Variants in AKAP19 observed in about 807,000 individuals in gnomAD.
AKAP19 encodes the protein A-kinase anchoring protein 19, also known as small A-kinase anchoring protein.
the AKAP19 span, among the ~76,000 whole-genome samples, chr2:190,052,928 TG>T: frequency 2.0e-5 from 3 of 152,222 alleles, no homozygotes; most frequent in Non-Finnish European, 4.4e-5. Context: ...AATAATATTT[TG>T]CCTATAGTGC....
chr2:190,037,077 C>T, the AKAP19 span, among the ~76,000 whole-genome samples: 2 of 152,190 alleles, frequency 1.3e-5, no homozygotes, highest in Non-Finnish European at 1.5e-5. Flanking sequence ...ATGCCATTCA[C>T]GATTCCTAGA....
the AKAP19 span, among the ~76,000 whole-genome samples, chr2:190,039,452 A>G: frequency 6.6e-6 from 1 of 152,218 alleles, no homozygotes; most frequent in African/African-American, 2.4e-5. Context: ...GGAAAACTGT[A>G]AATTTCTGAA....
chr2:189,988,999 A>G, the AKAP19 span, among the ~76,000 whole-genome samples: 12 of 152,362 alleles, frequency 7.9e-5, no homozygotes, highest in Non-Finnish European at 1.5e-4. Flanking sequence ...CAATGCAATG[A>G]GATGGGCTAG....
chr2:190,110,091 T>C, the AKAP19 span, among the ~76,000 whole-genome samples: 1 of 152,144 alleles, frequency 6.6e-6, no homozygotes, highest in Non-Finnish European at 1.5e-5. Context: ...GAACCACATA[T>C]TGAAAACACT....
the AKAP19 span, among the ~76,000 whole-genome samples, chr2:190,125,391 G>C: frequency 2.0e-5 from 3 of 152,234 alleles, no homozygotes; most frequent in East Asian, 5.8e-4. Context: ...TGATACAGAT[G>C]CCCTGTATGT....
chr2:189,918,115 G>T, the AKAP19 span, among the ~76,000 whole-genome samples: 8 of 151,114 alleles, frequency 5.3e-5, no homozygotes, highest in Admixed American at 1.3e-4. Flanking sequence ...ATTTATAATT[G>T]TCTTAAGTAC....
chr2:190,114,494 T>C, the AKAP19 span, among the ~76,000 whole-genome samples: 2 of 152,206 alleles, frequency 1.3e-5, no homozygotes, highest in African/African-American at 4.8e-5. Context: ...CTCGCTCTGT[T>C]GCCCAGGCGG....
the AKAP19 span, among the ~76,000 whole-genome samples, chr2:190,013,520 T>G: frequency 6.6e-6 from 1 of 152,144 alleles, no homozygotes; most frequent in Admixed American, 6.5e-5. Flanking sequence ...TATTTATTTA[T>G]TTATTTATTT....
At chr2:189,897,704 T>G in the AKAP19 span, among the ~76,000 whole-genome samples, 1,809 of 152,320 alleles carry the variant, frequency 0.012, 27 homozygotes, top group Non-Finnish European at 0.02. Context: ...AATATCTACT[T>G]AGGTTGGTTA....
the AKAP19 span, among the ~76,000 whole-genome samples, chr2:189,992,085 T>C: frequency 2.0e-5 from 3 of 150,982 alleles, no homozygotes; most frequent in East Asian, 3.9e-4. Flanking sequence ...AGTCCCACTT[T>C]GTTGCACAGG....
chr2:189,916,085 G>C, the AKAP19 span, among the ~76,000 whole-genome samples: 3 of 151,836 alleles, frequency 2.0e-5, no homozygotes, highest in African/African-American at 7.3e-5. Context: ...TTACATTTTT[G>C]AAGTCTTTTA....
chr2:189,927,921 G>A, the AKAP19 span, among the ~76,000 whole-genome samples: 1 of 152,144 alleles, frequency 6.6e-6, no homozygotes, highest in Non-Finnish European at 1.5e-5. Context: ...ATTGCAGAAA[G>A]TTGTATTTGT....
the AKAP19 span, among the ~76,000 whole-genome samples, chr2:189,957,886 C>G: frequency 6.6e-6 from 1 of 152,144 alleles, no homozygotes; most frequent in Non-Finnish European, 1.5e-5. Flanking sequence ...CTCCGCCTCC[C>G]AGGTTCAAGC....
the AKAP19 span, among the ~76,000 whole-genome samples, chr2:189,954,354 A>G: frequency 6.6e-6 from 1 of 152,262 alleles, no homozygotes; most frequent in African/African-American, 2.4e-5. Context: ...TTTGCAAATG[A>G]AAAGATCAGA....
the AKAP19 span, among the ~76,000 whole-genome samples, chr2:190,196,766 C>A: frequency 1.3e-5 from 2 of 152,080 alleles, no homozygotes; most frequent in African/African-American, 4.8e-5. Context: ...TATAGCCATG[C>A]CCATTTGTTT....
the AKAP19 span, among the ~76,000 whole-genome samples, chr2:190,038,940 CTT>C: frequency 2.9e-4 from 41 of 143,558 alleles, 1 homozygote; most frequent in African/African-American, 1.1e-3. Flanking sequence ...TCTTCTTCTT[CTT>C]CTTCTTCTTC....
the AKAP19 span, among the ~76,000 whole-genome samples, chr2:190,163,779 G>A: frequency 6.6e-6 from 1 of 152,254 alleles, no homozygotes; most frequent in South Asian, 2.1e-4. Context: ...CCTTTGTTAC[G>A]AGCTCAATGA....
At chr2:190,018,224 A>C in the AKAP19 span, among the ~76,000 whole-genome samples, 1 of 152,044 alleles carries the variant, frequency 6.6e-6, no homozygotes, top group Admixed American at 6.5e-5. Flanking sequence ...GCCATTATTT[A>C]TTTAAATAGT....
the AKAP19 span, among the ~76,000 whole-genome samples, chr2:189,898,490 G>T: frequency 6.6e-6 from 1 of 151,844 alleles, no homozygotes; most frequent in Non-Finnish European, 1.5e-5. Context: ...ACTGCATTTT[G>T]CATATTGCCT....
Sources: allele counts gnomAD v4.1 joint callset (sites outside exome capture counted in the v4.1 genomes callset), GRCh38; gene constraint gnomAD v4.1.1; transcripts MANE v1.5; gene names NCBI Gene and HGNC (gene_info 2026-07-23, HGNC 2026-07-21).